Variants in HSP90AA1 observed in about 807,000 individuals in gnomAD.
The protein encoded by HSP90AA1 is heat shock protein 90 alpha family class A member 1.
A neutral mutation model predicts 73.3 loss-of-function variants in HSP90AA1; 18 were observed. The ratio of observed to expected loss-of-function variants is 0.25; its 90% CI spans 0.17 to 0.36. HSP90AA1 has a LOEUF of 0.36. Among genes scored for constraint, HSP90AA1 ranks in the 10% least tolerant of loss-of-function variants. The pLI is 1.00. For missense variants in HSP90AA1, 704 were observed against 874.2 expected (o/e 0.81, Z 2.45); for synonymous variants, 477 against 296.9 (o/e 1.61, Z -6.24).
At chr14:102,125,954 T>A (rs2049834013) in intron 1 of HSP90AA1, among the ~76,000 whole-genome samples, 1 of 152,192 alleles carries the variant, frequency 6.6e-6, no homozygotes, top group Admixed American at 6.6e-5. Context: ...AGGTGGCTTT[T>A]ATTTAAGAAA....
In HSP90AA1 at chr14:102,120,370, C is replaced by T. The variant is rs555288442; in HGVS notation, c.156-18285G>A. Among the ~76,000 whole-genome samples, 21 of 151,980 alleles carry T rather than the reference C, an allele frequency of 1.4e-4. No homozygotes were observed. In the East Asian group the frequency reaches 2.5e-3, roughly 18 times the overall value. ...CGAGACCCTGTCCCACCCTCCCCCA[C>T]GAAAAGAATACAGATGATTATGGGA... On this transcript the variant is annotated intron_variant, in intron 1 of 11. Coordinates refer to the HSP90AA1 transcript ENST00000334701.
At chr14:102,092,127 C>G (rs1410367843) in intron 2 of HSP90AA1, among the ~76,000 whole-genome samples, 2 of 150,198 alleles carry the variant, frequency 1.3e-5, no homozygotes, top group African/African-American at 4.9e-5. Flanking sequence ...AGTGCAGTGT[C>G]GCGTGCTCTT....
At chr14:102,118,793 C>T (rs2152623647) in intron 1 of HSP90AA1, among the ~76,000 whole-genome samples, 1 of 151,888 alleles carries the variant, frequency 6.6e-6, no homozygotes, top group African/African-American at 2.4e-5. Context: ...GCTGATTCCC[C>T]TGCCTACCCC....
At chr14:102,115,333 T>A (rs1284476412) in intron 1 of HSP90AA1, among the ~76,000 whole-genome samples, 5 of 151,468 alleles carry the variant, frequency 3.3e-5, no homozygotes, top group African/African-American at 4.8e-5. Flanking sequence ...CAACTCTGTG[T>A]TTTACTTTTA....
chr14:102,095,881 G>A (rs766976561), intron 2 of HSP90AA1, among the ~76,000 whole-genome samples: 3 of 152,054 alleles, frequency 2.0e-5, no homozygotes, highest in South Asian at 2.1e-4. Flanking sequence ...CTACATTCCC[G>A]TTTTCATCTG....
Position 102,085,294 on chromosome 14 carries a change from T to C in HSP90AA1, c.663+4A>G. The C allele has an allele frequency of 1.9e-6, 3 of 1,610,978 alleles. No individual in the cohort carries two copies. The highest frequency in any genetic ancestry group is 2.5e-6 in the Non-Finnish European group (3 of 1,178,082). On this transcript the variant is annotated splice_donor_region_variant and intron_variant, in intron 4 of 10. Transcript: ENST00000216281. ...ATTCACTCTGCAATTACATAAAAAC[T>C]TACAAAAAGAGTAATGGGATATCCA...
At chr14:102,085,208 A>G in intron 4 of HSP90AA1, 90 bp downstream of exon 4, 2 of 1,457,330 alleles carry the variant, frequency 1.4e-6, no homozygotes, top group South Asian at 2.3e-5. Context: ...GCTTCAGACT[A>G]GTTGAACAGA....
upstream of HSP90AA1, among the ~76,000 whole-genome samples, chr14:102,088,424 T>TATGGTCTC (rs2049301089): frequency 6.6e-6 from 1 of 152,220 alleles, no homozygotes; most frequent in African/African-American, 2.4e-5. Flanking sequence ...TTCCTGGTCT[T>TATGGTCTC]TAGGGAAACG....
intron 1 of HSP90AA1, among the ~76,000 whole-genome samples, chr14:102,110,260 C>T (rs184072025): frequency 1.5e-4 from 23 of 152,088 alleles, no homozygotes; most frequent in Non-Finnish European, 3.1e-4. Flanking sequence ...AGCAAAGAGA[C>T]TGGTGGCATT....
intron 6 of HSP90AA1, 198 bp downstream of exon 6, chr14:102,084,196 GCCACT>G (rs2049166582): frequency 1.5e-6 from 1 of 672,798 alleles, no homozygotes; most frequent in Non-Finnish European, 2.6e-6. Flanking sequence ...GCCTCAGCCT[GCCACT>G]ACATGGGGCT....
chr14:102,088,631 G>A (rs1051972458), upstream of HSP90AA1, among the ~76,000 whole-genome samples: 2 of 152,212 alleles, frequency 1.3e-5, no homozygotes, highest in Non-Finnish European at 2.9e-5. Flanking sequence ...CAGCCTGGGG[G>A]CGCGCCCCCG....
chr14:102,139,056 C>T (rs2050138370), intron 1 of HSP90AA1, among the ~76,000 whole-genome samples: 1 of 152,118 alleles, frequency 6.6e-6, no homozygotes, highest in Non-Finnish European at 1.5e-5. Flanking sequence ...GTTCCCAAAG[C>T]GCTTCCCCGC....
intron 8 of HSP90AA1, 115 bp downstream of exon 8, chr14:102,083,431 T>C: frequency 5.7e-6 from 8 of 1,410,740 alleles, no homozygotes; most frequent in Non-Finnish European, 8.0e-6. Context: ...TCATGTTAAT[T>C]ATCTTGCCTA....
intron 1 of HSP90AA1, chr14:102,139,102 CGCTAAGAA>C (rs2050144028): frequency 1.0e-6 from 1 of 983,740 alleles, no homozygotes; most frequent in Admixed American, 2.0e-5. Context: ...GACAAACCTC[CGCTAAGAA>C]GCGGAGGCCG....
chr14:102,085,267 A>T, intron 4 of HSP90AA1, 31 bp downstream of exon 4: 1 of 1,604,066 alleles, frequency 6.2e-7, no homozygotes, highest in East Asian at 2.2e-5. Context: ...CTACAGACAG[A>T]AATTCACTCT....
chr14:102,108,545 T>C (rs1359125911), intron 1 of HSP90AA1, among the ~76,000 whole-genome samples: 1 of 149,448 alleles, frequency 6.7e-6, no homozygotes, highest in Non-Finnish European at 1.5e-5. Context: ...TTTTTTTTTT[T>C]TTTTTTTGAG....
intron 1 of HSP90AA1, among the ~76,000 whole-genome samples, chr14:102,086,689 C>T (rs1262573563): frequency 6.6e-6 from 1 of 150,838 alleles, no homozygotes; most frequent in African/African-American, 2.4e-5. Flanking sequence ...CCGCCTGCGC[C>T]CCCAGCGGGG....
Position 102,081,420 on chromosome 14 carries a change from A to G in HSP90AA1, c.*292T>C, listed in dbSNP as rs1001614054. On this transcript the variant is annotated 3_prime_UTR_variant, in exon 11 of 11. Coordinates refer to ENST00000216281, the MANE Select transcript of HSP90AA1 (RefSeq NM_005348.4). ...TACTTAGGCATCCGGCTTGACAGCT[A>G]AACACTTTAGACCACAAAGTTAACA... 26 of 423,356 alleles carry G rather than the reference A, an allele frequency of 6.1e-5. No individual in the cohort carries two copies. The highest frequency in any genetic ancestry group is 1.6e-4 in the Admixed American group (3 of 18,864). 26.2% of individuals were successfully genotyped at this position (423,356 alleles called of 1,614,324 possible).
intron 1 of HSP90AA1, among the ~76,000 whole-genome samples, chr14:102,119,927 A>G (rs1322565963): frequency 6.6e-6 from 1 of 152,220 alleles, no homozygotes; most frequent in African/African-American, 2.4e-5. Flanking sequence ...GGGTTGGAGA[A>G]TGAAATTAAA....
Sources: gnomAD v4.1 joint callset for allele counts (sites outside exome capture counted in the v4.1 genomes callset) on GRCh38, gnomAD v4.1.1 for gene constraint, MANE v1.5 for transcripts, NCBI Gene and HGNC (gene_info 2026-07-23, HGNC 2026-07-21) for gene names.